The following NEB variants were observed in gnomAD, a reference collection of about 807,000 sequenced individuals.
The protein encoded by NEB is nemaline myopathy type 2.
Under a neutral mutation model 952.2 loss-of-function variants are expected in NEB, and 512 were observed. The ratio of observed to expected loss-of-function variants is 0.54; its 90% CI spans 0.50 to 0.58. The LOEUF (loss-of-function observed/expected upper bound fraction) is 0.58. NEB is among the 20% of genes least tolerant of loss of function. The pLI is 0.00. For missense variants in NEB, 8,428 were observed against 9,231.1 expected, an observed-to-expected ratio of 0.91 and a Z score of 3.56; for synonymous variants, 2,900 against 3,149.8, an observed-to-expected ratio of 0.92 and a Z score of 2.66.
At chr2:151,651,017 A>G in intron 52 of NEB, 132 bp from the exon 53 acceptor site, 1 of 848,662 alleles carries the variant, frequency 1.2e-6, no homozygotes, top group Non-Finnish European at 1.7e-6. Flanking sequence ...TTGAACTCCC[A>G]GGCCTACTTT....
intron 167 of NEB, 143 bp downstream of exon 167, chr2:151,502,650 T>G (rs1413426202): frequency 1.7e-5 from 11 of 634,876 alleles, no homozygotes; most frequent in African/African-American, 9.2e-5. Context: ...AACTAAATAC[T>G]AAATTAGATT....
At chr2:151,569,016 T>C (rs1230817181) in intron 110 of NEB, among the ~76,000 whole-genome samples, 3 of 152,220 alleles carry the variant, frequency 2.0e-5, no homozygotes, top group Admixed American at 6.5e-5. Flanking sequence ...CCCAAGTATA[T>C]TGCTATTGCT....
Position 151,667,918 on chromosome 2 carries a change from A to G in NEB, c.4612-7T>C, listed in dbSNP as rs2154183040. 6.3e-7 allele frequency: 1 copy of G among 1,599,032 alleles called. No homozygotes were observed. The highest frequency in any genetic ancestry group is 8.6e-7 in the Non-Finnish European group (1 of 1,168,782). ...AATCTGCTTTATAATGAGCCTTCAA[A>G]AAAGTAGAGGTTATTTTATTATTTG... On this transcript the variant is annotated splice_region_variant and splice_polypyrimidine_tract_variant and intron_variant, in intron 39 of 181. Transcript: ENST00000397345.
At chr2:151,522,232 T>C (rs2082420694) in intron 153 of NEB, among the ~76,000 whole-genome samples, 2 of 152,322 alleles carry the variant, frequency 1.3e-5, no homozygotes, top group South Asian at 4.1e-4. Context: ...TTGAGATGTA[T>C]ACTGGTGCTT....
intron 96 of NEB, 141 bp downstream of exon 96, chr2:151,591,207 T>TCC (rs758114159): frequency 0.22 from 127,626 of 570,716 alleles, 33 homozygotes; most frequent in Non-Finnish European, 0.26. Context: ...ATTGTAAGAG[T>TCC]TGTTCTTGAA....
At chr2:151,536,790 T>C (rs1000044498) in intron 141 of NEB, among the ~76,000 whole-genome samples, 6 of 152,248 alleles carry the variant, frequency 3.9e-5, no homozygotes, top group African/African-American at 1.2e-4. Context: ...CCCCACGTCA[T>C]ACATTATTTG....
rs868288212 is a variant in NEB at position 151,677,457 on chromosome 2, T to C, written c.3774+108A>G. The C allele has an allele frequency of 1.0e-4, 83 of 818,116 alleles. No homozygotes were observed. In the Middle Eastern group the frequency reaches 1.1e-3, roughly 11 times the overall value. The allele number at this position is 818,116 out of a possible 1,614,324, so 50.7% of individuals were successfully genotyped here. A position where few individuals can be genotyped will look rare whatever the true frequency, so the allele number is the denominator to read the frequency against. On this transcript the variant is annotated intron_variant, in intron 34 of 181. Coordinates refer to ENST00000397345, the MANE Select transcript of NEB (RefSeq NM_001164508.2). ...TTAAAAAATTAAATAAACAAAATAA[T>C]TTAAAATGGAAAGATATTGGCCCAG...
intron 51 of NEB, among the ~76,000 whole-genome samples, chr2:151,654,837 G>A (rs901230172): frequency 1.3e-5 from 2 of 152,152 alleles, no homozygotes; most frequent in African/African-American, 4.8e-5. Context: ...TCTGTTTGAT[G>A]CAATTTTTAC....
chr2:151,530,968 G>T, intron 145 of NEB, 26 bp downstream of exon 145: 1 of 1,482,180 alleles, frequency 6.7e-7, no homozygotes. Context: ...AGATGAGAGG[G>T]ACTGCTAAAC....
intron 153 of NEB, among the ~76,000 whole-genome samples, chr2:151,522,035 T>C (rs1284695719): frequency 6.6e-6 from 1 of 152,196 alleles, no homozygotes; most frequent in Non-Finnish European, 1.5e-5. Flanking sequence ...CCATGGGAGC[T>C]AAGAGGCAAC....
At chr2:151,509,131 T>C (rs1192823909) in intron 161 of NEB, among the ~76,000 whole-genome samples, 2 of 152,178 alleles carry the variant, frequency 1.3e-5, no homozygotes, top group African/African-American at 4.8e-5. Context: ...CATTTATAAG[T>C]ATTGAAATTT....
At chr2:151,626,624 C>A (rs1193335014) in intron 70 of NEB, among the ~76,000 whole-genome samples, 1 of 151,958 alleles carries the variant, frequency 6.6e-6, no homozygotes, top group Non-Finnish European at 1.5e-5. Context: ...ACGAGCTCCG[C>A]CTCTCAGGTT....
chr2:151,504,629 G>A (rs1164359051), intron 165 of NEB, among the ~76,000 whole-genome samples: 1 of 152,162 alleles, frequency 6.6e-6, no homozygotes, highest in East Asian at 1.9e-4. Flanking sequence ...TTGACCAGGG[G>A]AATCCCAAGA....
At chr2:151,630,841 T>C in intron 66 of NEB, 22 bp from the exon 67 acceptor site, 1 of 1,529,902 alleles carries the variant, frequency 6.5e-7, no homozygotes, top group Non-Finnish European at 8.9e-7. Context: ...GATAAGATGC[T>C]GATTAAAAAT....
intron 42 of NEB, among the ~76,000 whole-genome samples, 170 bp downstream of exon 42, chr2:151,665,163 C>T (rs1237494441): frequency 1.3e-5 from 2 of 152,098 alleles, no homozygotes; most frequent in African/African-American, 4.8e-5. Flanking sequence ...TGAGGGGTCA[C>T]TATGAAAGAG....
intron 168 of NEB, among the ~76,000 whole-genome samples, chr2:151,500,832 C>T (rs2063913429): frequency 6.6e-6 from 1 of 152,034 alleles, no homozygotes; most frequent in Non-Finnish European, 1.5e-5. Flanking sequence ...CTCCTGGGCT[C>T]AAGTGATCTG....
intron 54 of NEB, 60 bp downstream of exon 54, chr2:151,650,116 T>C: frequency 6.7e-7 from 1 of 1,493,258 alleles, no homozygotes; most frequent in Non-Finnish European, 9.3e-7. Flanking sequence ...AAGCAAGTGC[T>C]ATTGAGCAAA....
Position 151,679,693 on chromosome 2 carries a change from GCCCATGTATGA to G in NEB, c.3255+17_3255+27del. ...GCCCACCCACCCACATTTTCTAGTT[GCCCATGTATGA>G]CCACAGCTGGACTTACGTCACTCGC... On this transcript the variant is annotated intron_variant, in intron 32 of 181. Coordinates refer to ENST00000397345, the MANE Select transcript of NEB (RefSeq NM_001164508.2). The G allele has an allele frequency of 2.5e-6, 1 of 399,952 alleles. No individual in the cohort carries two copies. The highest frequency in any genetic ancestry group is 2.9e-5 in the Admixed American group (1 of 34,084). The allele number at this position is 399,952 out of a possible 1,614,324, so 24.8% of individuals were successfully genotyped here.
Position 151,531,078 on chromosome 2 carries a change from G to T in NEB, c.21546C>A (p.Asn7182Lys), listed in dbSNP as rs149510427. 3 of 1,611,646 alleles carry T rather than the reference G, an allele frequency of 1.9e-6. No individual in the cohort carries two copies. In the African/African-American group the frequency reaches 4.0e-5, roughly 22 times the overall value. ...TGGTGTAGCCTCTGGGTTTGGCCTTGTTGTATTCCAATTTATAAAGGATCT... is the reference window on the plus strand; with the variant it reads ...TGGTGTAGCCTCTGGGTTTGGCCTTTTTGTATTCCAATTTATAAAGGATCT... ...ISDILYKLEY[N>K]KAKPRGYTTI... The change falls in exon 145 of 182, where the codon AAC (asparagine) becomes AAA (lysine). Residue 7182 changes from asparagine (N) to lysine (K), a missense_variant. Transcript: ENST00000397345.
Sources: allele counts gnomAD v4.1 joint callset (sites outside exome capture counted in the v4.1 genomes callset), GRCh38; gene constraint gnomAD v4.1.1; transcripts MANE v1.5; gene names NCBI Gene and HGNC (gene_info 2026-07-23, HGNC 2026-07-21).